TMA16: variants seen among roughly 807,000 people sequenced by gnomAD.
The protein encoded by TMA16 is translation machinery-associated protein 16.
Under a neutral mutation model 27.1 loss-of-function variants are expected in TMA16, and 26 were observed. That is an observed-to-expected ratio of 0.96 (90% CI 0.70 to 1.33). The LOEUF (loss-of-function observed/expected upper bound fraction) is 1.33. TMA16 is among the 40% of genes most tolerant of loss of function. The probability of loss-of-function intolerance (pLI) is 0.00; values close to 1 mark genes in which losing one functional copy is unlikely to be tolerated. For missense variants in TMA16, 233 were observed against 241.4 expected, an observed-to-expected ratio of 0.97 and a Z score of 0.23; for synonymous variants, 71 against 81.9, an observed-to-expected ratio of 0.87 and a Z score of 0.72.
intron 1 of TMA16, among the ~76,000 whole-genome samples, chr4:163,495,148 C>A (rs1407319361): frequency 6.6e-6 from 1 of 152,198 alleles, no homozygotes; most frequent in Non-Finnish European, 1.5e-5. Context: ...TCTGAGATCG[C>A]TGGCCCTACA....
intron 4 of TMA16, 82 bp downstream of exon 4, chr4:163,514,240 C>T (rs1481587077): frequency 2.9e-5 from 33 of 1,132,478 alleles, no homozygotes; most frequent in African/African-American, 2.2e-4. Flanking sequence ...AGCTCTGTTA[C>T]GGATTTGCAG....
chr4:163,497,153 C>T (rs1737565436), intron 1 of TMA16, among the ~76,000 whole-genome samples: 1 of 152,136 alleles, frequency 6.6e-6, no homozygotes, highest in African/African-American at 2.4e-5. Flanking sequence ...TTACTGACTA[C>T]CTTAATGGTA....
chr4:163,496,954 G>A (rs530639317), intron 1 of TMA16, among the ~76,000 whole-genome samples: 23 of 152,266 alleles, frequency 1.5e-4, no homozygotes, highest in Non-Finnish European at 4.4e-5. Flanking sequence ...GCCCAGCCAG[G>A]ATTTTAGTAT....
chr4:163,497,039 T>C (rs1272278054), intron 1 of TMA16, among the ~76,000 whole-genome samples: 1 of 152,194 alleles, frequency 6.6e-6, no homozygotes, highest in Non-Finnish European at 1.5e-5. Context: ...GTCATAGAGC[T>C]TGTGTGTGCT....
chr4:163,512,642 G>A (rs1382843151), intron 2 of TMA16, 180 bp from the exon 3 acceptor site: 2 of 494,256 alleles, frequency 4.0e-6, no homozygotes, highest in East Asian at 3.1e-5. Context: ...TAAAATTCTA[G>A]TGATTCAAAA....
chr4:163,517,968 TA>T (rs1737909503), intron 6 of TMA16, among the ~76,000 whole-genome samples: 1 of 126,876 alleles, frequency 7.9e-6, no homozygotes, highest in Non-Finnish European at 1.8e-5. Flanking sequence ...TTCGATTTTT[TA>T]GGTTTTTTTT....
At chr4:163,510,067 G>A (rs767217164) in intron 2 of TMA16, among the ~76,000 whole-genome samples, 10 of 152,078 alleles carry the variant, frequency 6.6e-5, no homozygotes, top group Non-Finnish European at 1.3e-4. Context: ...CTTCATTCCA[G>A]CTGATACCAC....
chr4:163,514,412 G>T (rs1579019853), intron 4 of TMA16, among the ~76,000 whole-genome samples: 3 of 152,112 alleles, frequency 2.0e-5, no homozygotes, highest in Admixed American at 1.3e-4. Flanking sequence ...TGAAAGGTGG[G>T]GGTTAGCAGA....
At chr4:163,510,235 G>A (rs1178966684) in intron 2 of TMA16, among the ~76,000 whole-genome samples, 2 of 152,048 alleles carry the variant, frequency 1.3e-5, no homozygotes, top group Non-Finnish European at 2.9e-5. Context: ...TCAACTTTGG[G>A]GTATAATTAA....
At chr4:163,503,983 TG>T (rs1361114487) in intron 1 of TMA16, among the ~76,000 whole-genome samples, 1 of 152,198 alleles carries the variant, frequency 6.6e-6, no homozygotes, top group Non-Finnish European at 1.5e-5. Flanking sequence ...GTACCTTCTT[TG>T]TACTAAGTCT....
chr4:163,508,412 T>C (rs762527252), intron 2 of TMA16, among the ~76,000 whole-genome samples: 12 of 152,208 alleles, frequency 7.9e-5, no homozygotes, highest in Non-Finnish European at 1.2e-4. Context: ...TGACCTATAC[T>C]ATTATTTATT....
Position 163,519,838 on chromosome 4 carries a change from C to T in TMA16, c.*324C>T, listed in dbSNP as rs1172593654. Reference sequence around the variant, plus strand: ...GTGTATTTATGATCACCTAATTTCACGTTTTGTGAAATGGACAGTAACCTG... The same window carrying T: ...GTGTATTTATGATCACCTAATTTCATGTTTTGTGAAATGGACAGTAACCTG... On this transcript the variant is annotated 3_prime_UTR_variant, in exon 7 of 7. Coordinates refer to ENST00000358572, the MANE Select transcript of TMA16 (RefSeq NM_018352.3). 3.0e-5 allele frequency: 15 copies of T among 505,542 alleles called. No individual in the cohort carries two copies. The highest frequency in any genetic ancestry group is 2.4e-4 in the South Asian group (11 of 45,916). The allele number at this position is 505,542 out of a possible 1,614,324, so 31.3% of individuals were successfully genotyped here.
chr4:163,517,580 G>A (rs1579021383), intron 6 of TMA16, 104 bp downstream of exon 6: 1 of 1,120,328 alleles, frequency 8.9e-7, no homozygotes, highest in African/African-American at 1.6e-5. Flanking sequence ...AGAAAATCGG[G>A]TTTCTTTTAA....
At position 163,517,454 on chromosome 4, in the gene TMA16, G is replaced by C. The variant is rs370762801; in HGVS notation, c.409G>C (p.Ala137Pro). 1 of 1,613,510 alleles carries C rather than the reference G, an allele frequency of 6.2e-7. No individual in the cohort carries two copies. The highest frequency in any genetic ancestry group is 1.1e-5 in the South Asian group (1 of 90,944). Residue 137 changes from alanine to proline, a missense_variant, in exon 6 of 7, where the codon GCA becomes CCA. Coordinates refer to ENST00000358572, the MANE Select transcript of TMA16 (RefSeq NM_018352.3). ...TCCAGAGATTCCAGACATTCTAAAT[G>C]CAAGTAATCTGAAAACATTTAGGTG... ...YGLEIPDILN[A>P]SNLKTFREWD...
chr4:163,508,872 T>G (rs1216326247), intron 2 of TMA16, among the ~76,000 whole-genome samples: 2 of 152,206 alleles, frequency 1.3e-5, no homozygotes, highest in Non-Finnish European at 2.9e-5. Flanking sequence ...AGAAAAATTA[T>G]GGAAGAATAA....
intron 1 of TMA16, 103 bp from the exon 2 acceptor site, chr4:163,506,930 C>G: frequency 1.2e-6 from 1 of 865,870 alleles, no homozygotes; most frequent in Non-Finnish European, 1.7e-6. Flanking sequence ...TACTGTATTT[C>G]TGTCATATTA....
rs1737941430 is a variant in TMA16 at position 163,519,737 on chromosome 4, G to A, written c.*223G>A. On this transcript the variant is annotated 3_prime_UTR_variant, in exon 7 of 7. Coordinates refer to ENST00000358572, the MANE Select transcript of TMA16 (RefSeq NM_018352.3). The stretch of plus-strand genomic sequence containing the variant: ...AAATAGATAGATGTGATCTGCAGAA[G>A]TTGTTTAGTCTTCATCTGAATTTCA... The A allele has an allele frequency of 3.8e-6, 2 of 531,624 alleles. No individual in the cohort carries two copies. Among genetic ancestry groups the A allele is most frequent in the Admixed American group, 8.2e-5 (2 of 24,260 alleles). The allele number at this position is 531,624 out of a possible 1,614,324, so 32.9% of individuals were successfully genotyped here.
Position 163,519,488 on chromosome 4 carries a change from G to T in TMA16, c.586G>T (p.Asp196Tyr). 1.3e-6 allele frequency: 2 copies of T among 1,599,504 alleles called. No homozygotes were observed. The highest frequency in any genetic ancestry group is 1.7e-6 in the Non-Finnish European group (2 of 1,175,214). ...LELNDESSDS[D>Y]EEMTAVA ...ACTAAACGATGAATCAAGTGATTCA[G>T]ATGAGGAAATGACTGCAGTGGCCTA... Residue 196 changes from aspartate (D) to tyrosine (Y), a missense_variant, in exon 7 of 7, where the codon GAT becomes TAT. By Grantham distance (160) the Asp-to-Tyr change is radical. Coordinates refer to ENST00000358572, the MANE Select transcript of TMA16 (RefSeq NM_018352.3).
At chr4:163,511,549 C>G (rs909286821) in intron 2 of TMA16, among the ~76,000 whole-genome samples, 2 of 151,766 alleles carry the variant, frequency 1.3e-5, no homozygotes, top group South Asian at 4.2e-4. Flanking sequence ...GGTGGCTCAT[C>G]CTTGTAATCC....
Sources: gnomAD v4.1 joint callset for allele counts (sites outside exome capture counted in the v4.1 genomes callset) on GRCh38, gnomAD v4.1.1 for gene constraint, MANE v1.5 for transcripts, NCBI Gene and HGNC (gene_info 2026-07-23, HGNC 2026-07-21) for gene names.